The following SLIT3 variants were observed in gnomAD, a reference collection of about 807,000 sequenced individuals.
SLIT3 encodes the protein slit homolog 3 protein.
A neutral mutation model predicts 184.0 loss-of-function variants in SLIT3; 68 were observed. The observed-to-expected ratio is 0.37, with a 90% confidence interval of 0.30 to 0.45. The LOEUF (loss-of-function observed/expected upper bound fraction) is 0.45. Ranked by LOEUF, SLIT3 falls within the 20% of genes least tolerant of loss-of-function variation. The probability of loss-of-function intolerance (pLI) is 1.00; values close to 1 mark genes in which losing one functional copy is unlikely to be tolerated. For missense variants in SLIT3, 1,707 were observed against 2,026.0 expected (o/e 0.84, Z 3.02); for synonymous variants, 831 against 828.6 (o/e 1.00, Z -0.05).
intron 20 of SLIT3, among the ~76,000 whole-genome samples, chr5:168,746,879 C>T (rs373749330): frequency 1.7e-3 from 21 of 12,448 alleles, no homozygotes; most frequent in Admixed American, 6.1e-3. Context: ...GTGGGTGTGG[C>T]GGTGTGTGGT....
chr5:169,140,895 A>C (rs1282161574), intron 4 of SLIT3, among the ~76,000 whole-genome samples: 1 of 152,198 alleles, frequency 6.6e-6, no homozygotes, highest in African/African-American at 2.4e-5. Context: ...AATTAAATAT[A>C]AAACTCTTTA....
At chr5:169,132,912 A>AT (rs1030571467) in intron 4 of SLIT3, among the ~76,000 whole-genome samples, 2 of 152,126 alleles carry the variant, frequency 1.3e-5, no homozygotes, top group African/African-American at 2.4e-5. Context: ...CCAGGCATTT[A>AT]TTTTTTTGAA....
chr5:169,263,831 C>T (rs1766296839), intron 1 of SLIT3: 1 of 338,358 alleles, frequency 3.0e-6, no homozygotes, highest in Admixed American at 4.2e-5. Flanking sequence ...TTGCTGCTGC[C>T]TGTTTCCTGT....
chr5:168,826,092 T>C (rs537265876), intron 6 of SLIT3, among the ~76,000 whole-genome samples: 2 of 152,354 alleles, frequency 1.3e-5, no homozygotes, highest in South Asian at 4.1e-4. Flanking sequence ...TAGCTGAATA[T>C]ACAGTACAAT....
chr5:168,727,272 A>G (rs1346022678), intron 20 of SLIT3, among the ~76,000 whole-genome samples: 1 of 152,190 alleles, frequency 6.6e-6, no homozygotes, highest in African/African-American at 2.4e-5. Flanking sequence ...GTGAGCTGAG[A>G]TGGTGCCACT....
chr5:168,730,348 G>A (rs1268525691), intron 20 of SLIT3, among the ~76,000 whole-genome samples: 1 of 151,896 alleles, frequency 6.6e-6, no homozygotes, highest in Non-Finnish European at 1.5e-5. Context: ...AAGAAACACT[G>A]GACTTAAATT....
At chr5:169,275,843 G>A (rs1766783708) in intron 1 of SLIT3, among the ~76,000 whole-genome samples, 1 of 152,128 alleles carries the variant, frequency 6.6e-6, no homozygotes, top group African/African-American at 2.4e-5. Flanking sequence ...ACCATATCAG[G>A]GATGGAGCTC....
intron 3 of SLIT3, among the ~76,000 whole-genome samples, chr5:169,216,606 G>A (rs954173740): frequency 2.0e-5 from 3 of 152,148 alleles, no homozygotes; most frequent in Non-Finnish European, 2.9e-5. Context: ...GGGGAAGAAC[G>A]TGCTGTAATG....
intron 25 of SLIT3, 29 bp downstream of exon 25, chr5:168,710,866 G>A: frequency 1.4e-6 from 2 of 1,479,098 alleles, no homozygotes; most frequent in Non-Finnish European, 1.8e-6. Flanking sequence ...AAGAGGGGCA[G>A]GGGAGGGTGG....
At chr5:168,814,996 T>TCC (rs1554144285) in intron 8 of SLIT3, among the ~76,000 whole-genome samples, 130 of 152,144 alleles carry the variant, frequency 8.5e-4, no homozygotes, top group African/African-American at 3.0e-3. Flanking sequence ...TGCATAGGGG[T>TCC]CTCAATATGT....
At chr5:168,894,030 C>T (rs1760569690) in intron 4 of SLIT3, among the ~76,000 whole-genome samples, 1 of 152,170 alleles carries the variant, frequency 6.6e-6, no homozygotes, top group Non-Finnish European at 1.5e-5. Context: ...TTGATTCAAC[C>T]TCTTTTCTAC....
chr5:168,664,795 GA>G lies in SLIT3; in HGVS notation c.*1658del. 6.6e-6 allele frequency: 1 copy of G among 152,424 alleles called. No individual in the cohort carries two copies. The highest frequency in any genetic ancestry group is 1.5e-5 in the Non-Finnish European group (1 of 68,100). The allele number at this position is 152,424 out of a possible 1,614,324, so 9.4% of individuals were successfully genotyped here. A position where few individuals can be genotyped will look rare whatever the true frequency, so the allele number is the denominator to read the frequency against. On this transcript the variant is annotated 3_prime_UTR_variant, in exon 36 of 36. Transcript: ENST00000519560. ...GATATGTGGCTAACCTGATGGGGTG[GA>G]AGGGGGCAAATGGGAGTGAGGGAGG...
At chr5:169,070,504 G>A (rs2113123577) in intron 4 of SLIT3, among the ~76,000 whole-genome samples, 1 of 152,190 alleles carries the variant, frequency 6.6e-6, no homozygotes, top group Non-Finnish European at 1.5e-5. Context: ...AAAAGCAAAA[G>A]GCAAACTTGA....
intron 26 of SLIT3, among the ~76,000 whole-genome samples, chr5:168,702,292 G>C (rs868572505): frequency 1.3e-5 from 2 of 152,216 alleles, no homozygotes; most frequent in Non-Finnish European, 2.9e-5. Context: ...AACCCTATGA[G>C]ATTGGTGTGA....
intron 4 of SLIT3, among the ~76,000 whole-genome samples, chr5:168,937,203 G>C (rs1021935808): frequency 3.9e-5 from 6 of 152,256 alleles, no homozygotes; most frequent in African/African-American, 1.4e-4. Flanking sequence ...CCAGAGCACA[G>C]AGGCCAAGGG....
intron 5 of SLIT3, among the ~76,000 whole-genome samples, chr5:168,846,557 T>G (rs1758478288): frequency 6.6e-6 from 1 of 152,024 alleles, no homozygotes; most frequent in African/African-American, 2.4e-5. Context: ...CCACCAAACC[T>G]TACCAAGCAG....
intron 14 of SLIT3, among the ~76,000 whole-genome samples, chr5:168,769,559 C>T (rs989285686): frequency 8.5e-5 from 13 of 152,280 alleles, no homozygotes; most frequent in South Asian, 4.1e-4. Context: ...TCTCATCACA[C>T]GCACTAGAGT....
At chr5:169,114,764 G>A (rs938632713) in intron 4 of SLIT3, among the ~76,000 whole-genome samples, 12 of 152,212 alleles carry the variant, frequency 7.9e-5, no homozygotes, top group African/African-American at 2.4e-4. Flanking sequence ...CTCACCACCT[G>A]GGAAGGAGTC....
chr5:168,937,782 C>T (rs560237652), intron 4 of SLIT3, among the ~76,000 whole-genome samples: 1 of 152,202 alleles, frequency 6.6e-6, no homozygotes, highest in African/African-American at 2.4e-5. Context: ...TTACAGCTAT[C>T]CTGTATATTT....
Sources: allele counts gnomAD v4.1 joint callset (sites outside exome capture counted in the v4.1 genomes callset), GRCh38; gene constraint gnomAD v4.1.1; transcripts MANE v1.5; gene names NCBI Gene and HGNC (gene_info 2026-07-23, HGNC 2026-07-21).